PHACTR1: variants seen among roughly 807,000 people sequenced by gnomAD.
PHACTR1 encodes RPEL repeat containing 1.
A neutral mutation model predicts 69.2 loss-of-function variants in PHACTR1; 16 were observed. The ratio of observed to expected loss-of-function variants is 0.23; its 90% CI spans 0.16 to 0.35. The LOEUF (loss-of-function observed/expected upper bound fraction) is 0.35, where lower values mean the gene tolerates loss of function less well. Among genes scored for constraint, PHACTR1 ranks in the 10% least tolerant of loss-of-function variants. The pLI is 1.00. For synonymous variants in PHACTR1, 312 were observed against 284.5 expected (o/e 1.10, Z -0.97); for missense variants, 510 against 734.7 (o/e 0.69, Z 3.54).
intron 7 of PHACTR1, among the ~76,000 whole-genome samples, chr6:13,193,355 G>C (rs988739778): frequency 6.7e-5 from 3 of 45,076 alleles, no homozygotes; most frequent in Non-Finnish European, 1.9e-4. Context: ...ATAGCTCTCT[G>C]TGTATATATA....
intron 4 of PHACTR1, among the ~76,000 whole-genome samples, chr6:12,810,326 G>A (rs1774881628): frequency 7.0e-6 from 1 of 143,168 alleles, no homozygotes; most frequent in African/African-American, 2.6e-5. Context: ...TTGGTTTGTT[G>A]TTTGTTTGTT....
intron 4 of PHACTR1, among the ~76,000 whole-genome samples, chr6:12,991,924 A>T (rs541727684): frequency 2.6e-5 from 4 of 152,160 alleles, no homozygotes; most frequent in South Asian, 4.2e-4. Context: ...TGGCACTGAC[A>T]TAAGTATGTT....
intron 4 of PHACTR1, among the ~76,000 whole-genome samples, chr6:12,860,917 T>C (rs76729870): frequency 1.6e-3 from 238 of 152,366 alleles, no homozygotes; most frequent in South Asian, 3.1e-3. Flanking sequence ...CAAACTCTAC[T>C]AATTTTTATG....
intron 10 of PHACTR1, 87 bp from the exon 11 acceptor site, chr6:13,272,773 T>A (rs1778030490): frequency 1.2e-6 from 2 of 1,613,642 alleles, no homozygotes; most frequent in Non-Finnish European, 1.7e-6. Flanking sequence ...CCACTGACTG[T>A]CTCATGTATC....
intron 4 of PHACTR1, among the ~76,000 whole-genome samples, chr6:12,776,654 T>C (rs974286885): frequency 6.6e-6 from 1 of 152,246 alleles, no homozygotes; most frequent in African/African-American, 2.4e-5. Flanking sequence ...CACTTAACGA[T>C]TAAGCAGAAT....
intron 10 of PHACTR1, 150 bp from the exon 11 acceptor site, chr6:13,272,710 C>G: frequency 6.3e-7 from 1 of 1,579,186 alleles, no homozygotes; most frequent in Non-Finnish European, 8.6e-7. Flanking sequence ...ACTGAGGAGG[C>G]GGTGGTGGCG....
chr6:12,792,464 C>CAAAAAAAAAAAAAAAAAAAAAAA (rs60942588), intron 4 of PHACTR1, among the ~76,000 whole-genome samples: 1 of 31,402 alleles, frequency 3.2e-5, no homozygotes, highest in African/African-American at 7.6e-5. Context: ...AACTCCATGT[C>CAAAAAAAAAAAAAAAAAAAAAAA]AAAAAAAAAA....
At chr6:12,917,187 A>G (rs2127504735) in intron 4 of PHACTR1, among the ~76,000 whole-genome samples, 1 of 152,342 alleles carries the variant, frequency 6.6e-6, no homozygotes, top group East Asian at 1.9e-4. Context: ...CAGTTTTTCA[A>G]GTTGTACACC....
rs182631620 is a variant in PHACTR1, at chr6:13,213,770, C to G, written c.986+7634C>G. 3.3e-3 allele frequency among the ~76,000 whole-genome samples: 497 copies of G among 152,338 alleles called. 4 individuals are homozygous for G. The highest frequency in any genetic ancestry group is 0.011 in the African/African-American group (469 of 41,572). ...CCCAGCCAGAGGCTGCAGCCCTCAC[C>G]AGACAGCCAAACCTGCCAGCGCCTT... is the stretch of plus-strand genomic sequence containing the variant. On this transcript the variant is annotated intron_variant, in intron 8 of 14. Coordinates refer to ENST00000332995, the MANE Select transcript of PHACTR1 (RefSeq NM_030948.6).
At chr6:13,276,743 G>A (rs549561207) in intron 11 of PHACTR1, among the ~76,000 whole-genome samples, 3 of 152,022 alleles carry the variant, frequency 2.0e-5, no homozygotes, top group Non-Finnish European at 4.4e-5. Flanking sequence ...CTGCACTCCA[G>A]CCTGGGCAAC....
intron 10 of PHACTR1, chr6:13,264,727 A>G (rs891088770): frequency 5.9e-5 from 9 of 152,044 alleles, no homozygotes; most frequent in Non-Finnish European, 1.2e-4. Context: ...TGAGAAAAAA[A>G]TACGATACAA....
chr6:12,959,507 C>T (rs1378438751), intron 4 of PHACTR1, among the ~76,000 whole-genome samples: 1 of 152,166 alleles, frequency 6.6e-6, no homozygotes, highest in Non-Finnish European at 1.5e-5. Flanking sequence ...TATAGTATTA[C>T]AAATATTCAT....
At chr6:12,738,553 C>G (rs1321320256) in intron 3 of PHACTR1, among the ~76,000 whole-genome samples, 1 of 152,184 alleles carries the variant, frequency 6.6e-6, no homozygotes, top group Non-Finnish European at 1.5e-5. Context: ...CGAGCCAGCT[C>G]TCAGCATTCT....
At chr6:12,916,806 C>A (rs973540812) in intron 4 of PHACTR1, among the ~76,000 whole-genome samples, 4 of 152,198 alleles carry the variant, frequency 2.6e-5, no homozygotes, top group Non-Finnish European at 5.9e-5. Context: ...AATGTTGACA[C>A]TCACTAAATT....
chr6:13,231,075 GGAAGGAAGGAA>G (rs200285253), intron 10 of PHACTR1, among the ~76,000 whole-genome samples: 4,934 of 18,350 alleles, frequency 0.27, 684 homozygotes, highest in Middle Eastern at 0.38. Context: ...AAGGAAGGAA[GGAAGGAAGGAA>G]GAAGGAAGGA....
In PHACTR1 at chr6:13,173,862, A is replaced by G. The variant is rs975091491; in HGVS notation, c.497-8657A>G. ...AGCTGGGATTACAGGCATGCGCCAC[A>G]ACGCCCGGCTAATTTTTTGTATTTT... is the stretch of plus-strand genomic sequence containing the variant. On this transcript the variant is annotated intron_variant, in intron 6 of 14. Transcript: ENST00000332995. 3.3e-5 allele frequency among the ~76,000 whole-genome samples: 5 copies of G among 152,252 alleles called. No individual in the cohort carries two copies. The East Asian group carries it at 9.7e-4, about 29-fold the overall frequency.
intron 5 of PHACTR1, among the ~76,000 whole-genome samples, chr6:13,086,927 T>G (rs1812412883): frequency 6.6e-6 from 1 of 152,052 alleles, no homozygotes; most frequent in African/African-American, 2.4e-5. Flanking sequence ...TTGTCAACAC[T>G]TGGTATTATC....
At chr6:12,729,622 G>C (rs1763233932) in intron 3 of PHACTR1, among the ~76,000 whole-genome samples, 1 of 152,140 alleles carries the variant, frequency 6.6e-6, no homozygotes, top group Non-Finnish European at 1.5e-5. Flanking sequence ...GCCAGACCAA[G>C]GAATCCCAAA....
intron 6 of PHACTR1, among the ~76,000 whole-genome samples, chr6:13,165,109 T>G (rs1759597589): frequency 6.6e-6 from 1 of 152,188 alleles, no homozygotes; most frequent in Non-Finnish European, 1.5e-5. Context: ...AAAAGGAAAT[T>G]TTAAATTATG....
Sources: allele counts gnomAD v4.1 joint callset (sites outside exome capture counted in the v4.1 genomes callset), GRCh38; gene constraint gnomAD v4.1.1; transcripts MANE v1.5; gene names NCBI Gene and HGNC (gene_info 2026-07-23, HGNC 2026-07-21).